The following CACNA1C variants were observed in gnomAD, a reference collection of about 807,000 sequenced individuals.
CACNA1C encodes voltage-dependent L-type calcium channel subunit alpha-1C.
CACNA1C carries 30 observed loss-of-function variants against 229.0 expected under a neutral mutation model. That is an observed-to-expected ratio of 0.13 (90% CI 0.10 to 0.18). The LOEUF is 0.18. Ranked by LOEUF, CACNA1C falls within the 10% of genes least tolerant of loss-of-function variation. The probability of loss-of-function intolerance (pLI) is 1.00; values close to 1 mark genes in which losing one functional copy is unlikely to be tolerated. For synonymous variants in CACNA1C, 1,114 were observed against 1,132.5 expected (o/e 0.98, Z 0.33); for missense variants, 1,658 against 2,845.0 (o/e 0.58, Z 9.49).
In CACNA1C at chr12:2,585,943, G is replaced by A; in HGVS notation, c.2530+39G>A. On this transcript the variant is annotated intron_variant, in intron 18 of 46. Transcript: ENST00000399655. This position sits in a 1 kb window ranked among gnomAD's most constrained non-coding sequence, Gnocchi z 4.1. ...TGCCTAACCTGGGATTGGGAGATTGGGGGCAGAGATCTAAATTCTAAAGCC... is the reference window on the plus strand; with the variant it reads ...TGCCTAACCTGGGATTGGGAGATTGAGGGCAGAGATCTAAATTCTAAAGCC... The A allele has an allele frequency of 7.5e-7, 1 of 1,330,298 alleles. No individual in the cohort carries two copies. The highest frequency in any genetic ancestry group is 1.4e-5 in the South Asian group (1 of 73,736). The allele number at this position is 1,330,298 out of a possible 1,614,324, so 82.4% of individuals were successfully genotyped here.
chr12:2,271,901 A>AG (rs1382526711), intron 3 of CACNA1C, among the ~76,000 whole-genome samples: 1 of 152,140 alleles, frequency 6.6e-6, no homozygotes, highest in Non-Finnish European at 1.5e-5. Flanking sequence ...CTAAAAAAAA[A>AG]TGTTTAAGTG....
intron 3 of CACNA1C, among the ~76,000 whole-genome samples, chr12:2,291,360 C>A (rs911406027): frequency 6.6e-6 from 1 of 152,178 alleles, no homozygotes; most frequent in Admixed American, 6.5e-5. Context: ...GGGCCTACTC[C>A]GCCGCAGAAT....
intron 7 of CACNA1C, among the ~76,000 whole-genome samples, chr12:2,500,155 T>A (rs1187887839): frequency 2.0e-5 from 3 of 152,128 alleles, no homozygotes; most frequent in Non-Finnish European, 4.4e-5. Context: ...CGCCTGCTGT[T>A]CCCCATCTCG....
rs2096844069 is a variant in CACNA1C at position 2,181,670 on chromosome 12, A to G, written c.477+61240A>G. ...CAGGGCAAGAAAAAGAAGAGCAATAATATTCTAGTTATTGTAGGCCAGGGG... is the reference window on the plus strand; with the variant it reads ...CAGGGCAAGAAAAAGAAGAGCAATAGTATTCTAGTTATTGTAGGCCAGGGG... On this transcript the variant is annotated intron_variant, in intron 3 of 46. Transcript: ENST00000399655. This position sits in a 1 kb window ranked among gnomAD's most constrained non-coding sequence, Gnocchi z 4.0. Among the ~76,000 whole-genome samples the G allele has an allele frequency of 6.6e-6, 1 of 152,150 alleles. No homozygotes were observed. The highest frequency in any genetic ancestry group is 1.5e-5 in the Non-Finnish European group (1 of 68,030).
chr12:2,185,148 T>A (rs1390772466), intron 3 of CACNA1C, among the ~76,000 whole-genome samples: 1 of 152,254 alleles, frequency 6.6e-6, no homozygotes, highest in Admixed American at 6.5e-5. Context: ...CTCGGGTTCC[T>A]ATTTCCCTGG....
At chr12:2,572,592 C>G (rs1600603868) in intron 13 of CACNA1C, among the ~76,000 whole-genome samples, 1 of 104,788 alleles carries the variant, frequency 9.5e-6, no homozygotes, top group Non-Finnish European at 2.0e-5. Flanking sequence ...CCTCCTCCTT[C>G]TCCTCTCCTC....
chr12:1,993,260 T>G (rs770011087), intron 1 of CACNA1C: 64 of 1,613,954 alleles, frequency 4.0e-5, no homozygotes, highest in Non-Finnish European at 5.3e-5. Context: ...TAAGAAAGAC[T>G]CACATCTGGC....
At chr12:2,624,737 C>T (rs559965671) in intron 29 of CACNA1C, among the ~76,000 whole-genome samples, 1 of 152,360 alleles carries the variant, frequency 6.6e-6, no homozygotes, top group East Asian at 1.9e-4. Flanking sequence ...AGAACCCACA[C>T]ATAGCCTCAG....
Position 2,656,685 on chromosome 12 carries a change from A to G in CACNA1C, c.4232+1447A>G, listed in dbSNP as rs149317944. ...ACAATGCATGATATAAAAATCTGTT[A>G]CAAAGCTACAGTAACCAAAACAGCA... On this transcript the variant is annotated intron_variant, in intron 34 of 46. Transcript: ENST00000399655. 4.3e-3 allele frequency among the ~76,000 whole-genome samples: 661 copies of G among 152,376 alleles called. 7 individuals are homozygous for G. The highest frequency in any genetic ancestry group is 0.015 in the African/African-American group (639 of 41,592).
At chr12:2,195,307 C>T (rs1197834008) in intron 3 of CACNA1C, among the ~76,000 whole-genome samples, 1 of 152,136 alleles carries the variant, frequency 6.6e-6, no homozygotes, top group Admixed American at 6.5e-5. Flanking sequence ...GGGATTCTTC[C>T]GCAGGAAATG....
At chr12:2,478,487 A>G (rs1251753772) in intron 5 of CACNA1C, among the ~76,000 whole-genome samples, 1 of 152,188 alleles carries the variant, frequency 6.6e-6, no homozygotes, top group African/African-American at 2.4e-5. Flanking sequence ...ACAAGATCCT[A>G]GGGGACCTAT....
intron 9 of CACNA1C, among the ~76,000 whole-genome samples, chr12:2,532,126 C>T (rs987356135): frequency 6.6e-6 from 1 of 152,220 alleles, no homozygotes; most frequent in Non-Finnish European, 1.5e-5. Flanking sequence ...TGCGCTCCCT[C>T]CTGCCTCCTA....
chr12:2,668,250 G>A (rs763125446), intron 37 of CACNA1C, among the ~76,000 whole-genome samples: 22 of 152,192 alleles, frequency 1.4e-4, no homozygotes, highest in Admixed American at 4.6e-4. Flanking sequence ...CGAGCAGGGC[G>A]CAAAGTTGGG....
chr12:2,546,324 C>T (rs1234778790), intron 9 of CACNA1C, among the ~76,000 whole-genome samples: 2 of 152,290 alleles, frequency 1.3e-5, no homozygotes, highest in South Asian at 2.1e-4. Flanking sequence ...CTATTCCCTG[C>T]AGTAGCTGGT....
intron 1 of CACNA1C, among the ~76,000 whole-genome samples, chr12:2,018,758 G>A (rs1401359747): frequency 6.6e-6 from 1 of 152,160 alleles, no homozygotes; most frequent in Non-Finnish European, 1.5e-5. Context: ...TTAATATATA[G>A]TAAATCTAAT....
At chr12:2,040,112 G>A (rs1191082642) in intron 1 of CACNA1C, among the ~76,000 whole-genome samples, 3 of 151,860 alleles carry the variant, frequency 2.0e-5, no homozygotes, top group Admixed American at 2.0e-4. Flanking sequence ...CTTCAGCAGG[G>A]AGAGAGTTAA....
At chr12:2,274,748 G>A (rs569874476) in intron 3 of CACNA1C, among the ~76,000 whole-genome samples, 1 of 152,334 alleles carries the variant, frequency 6.6e-6, no homozygotes, top group East Asian at 1.9e-4. Flanking sequence ...GTCTGATTCC[G>A]AAGCTGGGCT....
rs561146032 is a variant in CACNA1C at position 2,193,416 on chromosome 12, T to C, written c.477+72986T>C. Among the ~76,000 whole-genome samples, 20 of 152,218 alleles carry C rather than the reference T, an allele frequency of 1.3e-4. No individual in the cohort carries two copies. In the East Asian group the frequency reaches 3.5e-3, roughly 26 times the overall value. On this transcript the variant is annotated intron_variant, in intron 3 of 46. Transcript: ENST00000399655. ...GTGGCAGTGAGCTGAGATTGCACCA[T>C]TGAACTCCAGCCTGGGCAATCGAGC... is the stretch of plus-strand genomic sequence containing the variant.
In CACNA1C at chr12:2,504,613, G is replaced by A. The variant is rs922086430; in HGVS notation, c.1114-229G>A. On this transcript the variant is annotated intron_variant, in intron 7 of 46. Coordinates refer to ENST00000399655, the MANE Select transcript of CACNA1C (RefSeq NM_000719.7). This position sits in a 1 kb window ranked among gnomAD's most constrained non-coding sequence, Gnocchi z 6.8. ...CTCAGGTTCCACTCCGTACATGCCC[G>A]GGGTCCTCAGGGATGGGACCCTGAC... is the stretch of plus-strand genomic sequence containing the variant. 69 of 907,174 alleles carry A rather than the reference G, an allele frequency of 7.6e-5. No individual in the cohort carries two copies. The highest frequency in any genetic ancestry group is 9.8e-5 in the Non-Finnish European group (53 of 541,464). The allele number at this position is 907,174 out of a possible 1,614,324, so 56.2% of individuals were successfully genotyped here.
Sources: gnomAD v4.1 joint callset for allele counts (sites outside exome capture counted in the v4.1 genomes callset) on GRCh38, gnomAD v4.1.1 for gene constraint, Gnocchi (gnomAD v3.1) non-coding constraint, MANE v1.5 for transcripts, NCBI Gene and HGNC (gene_info 2026-07-23, HGNC 2026-07-21) for gene names.